TXNRD1: variants seen among roughly 807,000 people sequenced by gnomAD.
TXNRD1 encodes thioredoxin reductase 1, also known as thioredoxin reductase 1, cytoplasmic.
Under a neutral mutation model 80.3 loss-of-function variants are expected in TXNRD1, and 57 were observed. That is an observed-to-expected ratio of 0.71 (90% CI 0.57 to 0.89). The LOEUF (loss-of-function observed/expected upper bound fraction) is 0.89, where lower values mean the gene tolerates loss of function less well. Ranked by LOEUF, TXNRD1 falls within the 40% of genes least tolerant of loss-of-function variation. The pLI is 0.00. For synonymous variants in TXNRD1, 291 were observed against 285.2 expected (o/e 1.02, Z -0.20); for missense variants, 730 against 803.0 (o/e 0.91, Z 1.10).
At chr12:104,320,547 C>T (rs2035492552) in intron 9 of TXNRD1, among the ~76,000 whole-genome samples, 2 of 152,140 alleles carry the variant, frequency 1.3e-5, no homozygotes, top group Admixed American at 1.3e-4. Flanking sequence ...AACTCATTCT[C>T]TAACATGCTT....
intron 4 of TXNRD1, among the ~76,000 whole-genome samples, chr12:104,296,482 G>A (rs56047926): frequency 6.6e-6 from 1 of 152,040 alleles, no homozygotes; most frequent in Admixed American, 6.6e-5. Flanking sequence ...ATCATGGCTC[G>A]CTGCAGCCTC....
chr12:104,265,383 G>T, intron 3 of TXNRD1: 1 of 1,607,328 alleles, frequency 6.2e-7, no homozygotes, highest in Non-Finnish European at 8.5e-7. Context: ...GCCACACGCC[G>T]CCCCTCTACC....
chr12:104,265,166 C>G (rs994820137), intron 3 of TXNRD1: 1 of 739,648 alleles, frequency 1.4e-6, no homozygotes, highest in East Asian at 2.7e-5. Flanking sequence ...GCAGGAGAAT[C>G]GCTTGAACCC....
rs948848030 is a variant in TXNRD1 at position 104,331,968 on chromosome 12, G to A, written c.1650+327G>A. On this transcript the variant is annotated intron_variant, in intron 14 of 16. Coordinates refer to ENST00000525566, the MANE Select transcript of TXNRD1 (RefSeq NM_001093771.3). ...ACCACTTTCAGGAAATTTGGTATTG[G>A]TGTAATATTTTTATCTGATTTAATT... is the stretch of plus-strand genomic sequence containing the variant. Among the ~76,000 whole-genome samples the A allele has an allele frequency of 9.9e-5, 15 of 152,006 alleles. No homozygotes were observed. The South Asian group carries it at 1.0e-3, about 11-fold the overall frequency.
In TXNRD1 at chr12:104,258,009, C is replaced by T. The variant is rs1253887053; in HGVS notation, c.244-10C>T. 1.3e-6 allele frequency: 2 copies of T among 1,541,640 alleles called. No individual in the cohort carries two copies. Among genetic ancestry groups the T allele is most frequent in the African/African-American group, 2.8e-5 (2 of 72,648 alleles). ...TTTCATTTTCCTCCTTGTTTTTCAA[C>T]TTCTTCCAGGTAAAGAAGTTATTTA... is the stretch of plus-strand genomic sequence containing the variant. On this transcript the variant is annotated splice_polypyrimidine_tract_variant and intron_variant, in intron 2 of 16. Transcript: ENST00000525566.
chr12:104,322,595 G>A (rs1325517658), intron 10 of TXNRD1, among the ~76,000 whole-genome samples: 1 of 151,876 alleles, frequency 6.6e-6, no homozygotes, highest in Non-Finnish European at 1.5e-5. Context: ...GGCCAGGCTG[G>A]TCTTGAACTC....
At chr12:104,271,302 C>T (rs1447954724) in intron 3 of TXNRD1, among the ~76,000 whole-genome samples, 1 of 151,192 alleles carries the variant, frequency 6.6e-6, no homozygotes, top group East Asian at 2.0e-4. Context: ...TCTCCTGCCT[C>T]AGCCTCCTGA....
chr12:104,217,399 C>G (rs1442458279), intron 1 of TXNRD1, among the ~76,000 whole-genome samples: 1 of 151,382 alleles, frequency 6.6e-6, no homozygotes, highest in Non-Finnish European at 1.5e-5. Context: ...CAGCCTCCAC[C>G]TCCCAGGTTG....
chr12:104,303,972 C>T (rs1188997328), intron 4 of TXNRD1: 1 of 1,605,086 alleles, frequency 6.2e-7, no homozygotes, highest in Non-Finnish European at 8.5e-7. Context: ...GCGGGCTGCT[C>T]CGACGACCTC....
rs911657309 is a variant in TXNRD1 at position 104,345,036 on chromosome 12, G to A, written c.1882-3317G>A. On this transcript the variant is annotated intron_variant, in intron 16 of 16. Coordinates refer to ENST00000525566, the MANE Select transcript of TXNRD1 (RefSeq NM_001093771.3). Reference sequence around the variant, plus strand: ...TGTGGGGAATGTGATATTCTGTGGGGAATGCGGTTCAGAAGTGGTCCACAG... The same window carrying A: ...TGTGGGGAATGTGATATTCTGTGGGAAATGCGGTTCAGAAGTGGTCCACAG... Among the ~76,000 whole-genome samples the A allele has an allele frequency of 3.3e-5, 5 of 152,206 alleles. 1 individual carries two copies. Among genetic ancestry groups the A allele is most frequent in the Admixed American group, 2.0e-4 (3 of 15,282 alleles).
intron 1 of TXNRD1, among the ~76,000 whole-genome samples, chr12:104,230,230 G>A (rs904921424): frequency 3.3e-5 from 5 of 151,500 alleles, no homozygotes; most frequent in South Asian, 2.1e-4. Context: ...CACCACGCCC[G>A]GCTAATTTTT....
At chr12:104,284,126 G>A (rs1354247146) in intron 3 of TXNRD1, 1 of 152,226 alleles carries the variant, frequency 6.6e-6, no homozygotes, top group Non-Finnish European at 1.5e-5. Context: ...TTTGAGGAAA[G>A]AGGGATACGT....
intron 1 of TXNRD1, chr12:104,224,801 G>C: frequency 2.2e-6 from 1 of 456,126 alleles, no homozygotes. Context: ...CTCCCCCACT[G>C]TTTGATCAAC....
intron 4 of TXNRD1, chr12:104,310,105 T>G (rs1479911321): frequency 1.6e-5 from 24 of 1,492,470 alleles, no homozygotes; most frequent in South Asian, 3.8e-5. Context: ...GGCTGGTAAG[T>G]TTGGGGGCTT....
intron 2 of TXNRD1, among the ~76,000 whole-genome samples, chr12:104,253,106 T>A (rs1442036703): frequency 6.6e-6 from 1 of 152,134 alleles, no homozygotes; most frequent in Non-Finnish European, 1.5e-5. Flanking sequence ...CTGGAAGCCT[T>A]ACATAGAAAT....
chr12:104,267,698 T>TC (rs2033551348), intron 3 of TXNRD1, among the ~76,000 whole-genome samples: 2 of 38,482 alleles, frequency 5.2e-5, no homozygotes, highest in Non-Finnish European at 1.1e-4. Context: ...TCTTTCTTTC[T>TC]TTCTCTCTTT....
rs2036599400 is a variant in TXNRD1, at chr12:104,350,096, C to T, written c.*1675C>T. ...AATCAGGCCTAATCATGTTGTGATT[C>T]TCTTTTCTTAGTGGAGTGGAATGTT... On this transcript the variant is annotated 3_prime_UTR_variant, in exon 17 of 17. Transcript: ENST00000525566. 1 of 152,068 alleles carries T rather than the reference C, an allele frequency of 6.6e-6. No individual in the cohort carries two copies. Among genetic ancestry groups the T allele is most frequent in the Non-Finnish European group, 1.5e-5 (1 of 68,016 alleles). 9.4% of individuals were successfully genotyped at this position (152,068 alleles called of 1,614,324 possible). A position where few individuals can be genotyped will look rare whatever the true frequency, so the allele number is the denominator to read the frequency against.
At chr12:104,343,093 ATG>A (rs1261177389) in intron 16 of TXNRD1, among the ~76,000 whole-genome samples, 4 of 152,150 alleles carry the variant, frequency 2.6e-5, no homozygotes, top group Non-Finnish European at 5.9e-5. Flanking sequence ...GAAACCACTG[ATG>A]TGTGTGAGGG....
At chr12:104,342,259 G>A (rs1293371324) in intron 16 of TXNRD1, among the ~76,000 whole-genome samples, 1 of 152,042 alleles carries the variant, frequency 6.6e-6, no homozygotes, top group Admixed American at 6.6e-5. Context: ...GCAACCAGCT[G>A]CCATCTTGAA....
Sources: gnomAD v4.1 joint callset for allele counts (sites outside exome capture counted in the v4.1 genomes callset) on GRCh38, gnomAD v4.1.1 for gene constraint, MANE v1.5 for transcripts, NCBI Gene and HGNC (gene_info 2026-07-23, HGNC 2026-07-21) for gene names.